Variants in MYO3B observed in about 807,000 individuals in gnomAD.
MYO3B encodes the protein myosin-IIIb.
A neutral mutation model predicts 174.6 loss-of-function variants in MYO3B; 156 were observed. The ratio of observed to expected loss-of-function variants is 0.89; its 90% CI spans 0.78 to 1.02. The LOEUF (loss-of-function observed/expected upper bound fraction) is 1.02. MYO3B is among the 50% of genes least tolerant of loss of function. The probability of loss-of-function intolerance (pLI) is 0.00; values close to 1 mark genes in which losing one functional copy is unlikely to be tolerated. For synonymous variants in MYO3B, 563 were observed against 569.1 expected (o/e 0.99, Z 0.15); for missense variants, 1,632 against 1,639.4 (o/e 1.00, Z 0.08).
intron 7 of MYO3B, among the ~76,000 whole-genome samples, chr2:170,310,003 G>A (rs777770423): frequency 5.3e-5 from 8 of 152,162 alleles, no homozygotes; most frequent in East Asian, 1.9e-4. Flanking sequence ...TTATATAAGC[G>A]GAATTATACA....
intron 22 of MYO3B, among the ~76,000 whole-genome samples, chr2:170,411,009 C>A (rs924874828): frequency 8.1e-4 from 1 of 1,242 alleles, no homozygotes; most frequent in Non-Finnish European, 9.6e-3. Flanking sequence ...ACAGTGACAC[C>A]CCCCATCTCT....
chr2:170,519,294 C>T (rs1041159200), intron 29 of MYO3B, 144 bp from the exon 30 acceptor site: 1 of 582,600 alleles, frequency 1.7e-6, no homozygotes, highest in East Asian at 2.9e-5. Context: ...ATTTTAATGA[C>T]ATATCCTAGA....
chr2:170,405,594 A>G lies in MYO3B; in HGVS notation c.2481A>G (p.Gly827=). 6.2e-7 allele frequency: 1 copy of G among 1,614,168 alleles called. No individual in the cohort carries two copies. Among genetic ancestry groups the G allele is most frequent in the South Asian group, 1.1e-5 (1 of 91,086 alleles). ...GCAAATACTTCTGGAGGCCCAAAGG[A>G]GTGGAACTGTGCTTTGGCATTCAGC... ...LRCKYFWRPK[G]VELCFGIQHY... Residue 827 remains glycine, a synonymous_variant, in exon 21 of 35, where the codon GGA becomes GGG. Transcript: ENST00000408978.
chr2:170,459,843 G>A (rs1443052520), intron 23 of MYO3B, among the ~76,000 whole-genome samples: 4 of 152,116 alleles, frequency 2.6e-5, no homozygotes, highest in Non-Finnish European at 5.9e-5. Flanking sequence ...GGGACCTGGT[G>A]CACCTTCCGC....
At chr2:170,355,327 T>C (rs965948191) in intron 8 of MYO3B, among the ~76,000 whole-genome samples, 35 of 152,354 alleles carry the variant, frequency 2.3e-4, no homozygotes, top group African/African-American at 7.7e-4. Context: ...TTTCTCCAAT[T>C]TGATGTTCAC....
chr2:170,610,892 T>C (rs1383645583), intron 32 of MYO3B, among the ~76,000 whole-genome samples: 3 of 152,206 alleles, frequency 2.0e-5, no homozygotes, highest in Non-Finnish European at 4.4e-5. Context: ...CTAGTTTATA[T>C]AATTCTCAAT....
intron 1 of MYO3B, among the ~76,000 whole-genome samples, chr2:170,189,863 T>C (rs1385453812): frequency 6.6e-6 from 1 of 152,170 alleles, no homozygotes; most frequent in East Asian, 1.9e-4. Flanking sequence ...GGTTAGGTCA[T>C]GTTTTCCTGG....
intron 1 of MYO3B, chr2:170,180,248 G>T: frequency 2.8e-6 from 1 of 352,640 alleles, no homozygotes; most frequent in Non-Finnish European, 6.1e-6. Context: ...AGACCAATTT[G>T]GGGTTGTTAA....
At chr2:170,609,100 T>C (rs908906392) in intron 32 of MYO3B, among the ~76,000 whole-genome samples, 11 of 152,236 alleles carry the variant, frequency 7.2e-5, no homozygotes, top group Non-Finnish European at 1.5e-4. Flanking sequence ...AGAGTTGCTC[T>C]TTCATGTTTC....
chr2:170,359,937 G>T (rs987592063), intron 8 of MYO3B, among the ~76,000 whole-genome samples: 1 of 148,140 alleles, frequency 6.8e-6, no homozygotes, highest in African/African-American at 2.4e-5. Flanking sequence ...TAAATACCTA[G>T]TAAGTTTTTG....
chr2:170,323,231 C>A, intron 7 of MYO3B, among the ~76,000 whole-genome samples: 1 of 152,116 alleles, frequency 6.6e-6, no homozygotes. Flanking sequence ...TTGGAGGGAG[C>A]TAAATGACAG....
In MYO3B at chr2:170,228,975, A is replaced by C. The variant is rs961526866; in HGVS notation, c.604-7016A>C. Among the ~76,000 whole-genome samples, 53 of 151,896 alleles carry C rather than the reference A, an allele frequency of 3.5e-4. 1 individual carries two copies. Among genetic ancestry groups the C allele is most frequent in the African/African-American group, 1.1e-3 (46 of 41,506 alleles). On this transcript the variant is annotated intron_variant, in intron 6 of 34. Transcript: ENST00000408978. ...ATTCCCTTTACAAAAAAAAAAAAAA[A>C]AAAAAACAACGAATCTCAAATGTAT... is the stretch of plus-strand genomic sequence containing the variant.
At chr2:170,526,870 A>AGGGG (rs1689036066) in intron 30 of MYO3B, among the ~76,000 whole-genome samples, 1 of 152,212 alleles carries the variant, frequency 6.6e-6, no homozygotes, top group African/African-American at 2.4e-5. Flanking sequence ...TCCTTATGCA[A>AGGGG]AGAGTCCTTT....
At chr2:170,402,740 T>G in intron 18 of MYO3B, 108 bp from the exon 19 acceptor site, 1 of 1,016,174 alleles carries the variant, frequency 9.8e-7, no homozygotes, top group Non-Finnish European at 1.3e-6. Context: ...TTTCCATGAG[T>G]GGGTGAATTG....
At chr2:170,418,578 G>A (rs34739609) in intron 22 of MYO3B, among the ~76,000 whole-genome samples, 345 of 152,262 alleles carry the variant, frequency 2.3e-3, no homozygotes, top group African/African-American at 7.3e-3. Context: ...TTACAACAGG[G>A]TGGAGTGTGG....
At chr2:170,641,846 T>C (rs1697975807) in intron 32 of MYO3B, among the ~76,000 whole-genome samples, 1 of 105,802 alleles carries the variant, frequency 9.5e-6, no homozygotes, top group African/African-American at 4.0e-5. Context: ...TATTTATGAC[T>C]TTATTGTTAA....
intron 20 of MYO3B, 90 bp downstream of exon 20, chr2:170,404,490 C>A: frequency 7.6e-7 from 1 of 1,322,930 alleles, no homozygotes; most frequent in Non-Finnish European, 1.0e-6. Flanking sequence ...ATTTACCTTA[C>A]ATATTTTGTT....
At chr2:170,326,462 G>C (rs978133538) in intron 7 of MYO3B, among the ~76,000 whole-genome samples, 4 of 152,156 alleles carry the variant, frequency 2.6e-5, no homozygotes, top group Admixed American at 1.3e-4. Flanking sequence ...TGACACACTG[G>C]ACAATAACAG....
intron 32 of MYO3B, chr2:170,601,824 G>A: frequency 3.9e-6 from 4 of 1,024,180 alleles, no homozygotes; most frequent in Non-Finnish European, 4.5e-6. Flanking sequence ...CTGCAAAAGT[G>A]TTATTCCACA....
Sources: allele counts gnomAD v4.1 joint callset (sites outside exome capture counted in the v4.1 genomes callset), GRCh38; gene constraint gnomAD v4.1.1; transcripts MANE v1.5; gene names NCBI Gene and HGNC (gene_info 2026-07-23, HGNC 2026-07-21).